ST13: variants seen among roughly 807,000 people sequenced by gnomAD.
ST13 encodes hsc70-interacting protein.
Under a neutral mutation model 56.7 loss-of-function variants are expected in ST13, and 23 were observed. That is an observed-to-expected ratio of 0.41 (90% CI 0.29 to 0.57). The LOEUF is 0.57. Ranked by LOEUF, ST13 falls within the 20% of genes least tolerant of loss-of-function variation. ST13 has a pLI of 0.36. For missense variants in ST13, 369 were observed against 459.9 expected (o/e 0.80, Z 1.81); for synonymous variants, 132 against 142.4 (o/e 0.93, Z 0.52).
intron 1 of ST13, among the ~76,000 whole-genome samples, chr22:40,854,086 T>C (rs927164111): frequency 6.6e-6 from 1 of 152,220 alleles, no homozygotes; most frequent in East Asian, 1.9e-4. Flanking sequence ...TTATAGCAAA[T>C]AGGCAGATGT....
chr22:40,832,646 C>G lies in ST13; in HGVS notation c.604G>C (p.Ala202Pro). ...HRLLGHWEEA[A>P]HDLALACKLD... is the part of the protein sequence containing the mutation. Reference sequence around the variant, plus strand: ...TTACAGGCAAGGGCAAGATCATGGGCTGCTTCTTCCCAGTGGCCTAGAAGT... The same window carrying G: ...TTACAGGCAAGGGCAAGATCATGGGGTGCTTCTTCCCAGTGGCCTAGAAGT... Residue 202 changes from alanine (A) to proline (P), a missense_variant, in exon 8 of 12, where the codon GCC (alanine) becomes CCC (proline). Physicochemically the swap from Ala to Pro is conservative, Grantham distance 27 (BLOSUM62 -1). Around this residue, in one of 3 missense-constraint regions of ST13, gnomAD observed 64 missense variants for 125.1 expected, o/e 0.51. Transcript: ENST00000216218. 6.2e-7 allele frequency: 1 copy of G among 1,601,390 alleles called. No individual in the cohort carries two copies. The highest frequency in any genetic ancestry group is 2.2e-5 in the East Asian group (1 of 44,870).
At chr22:40,836,065 G>GT (rs2057775826) in intron 5 of ST13, 178 bp from the exon 6 acceptor site, 1 of 534,034 alleles carries the variant, frequency 1.9e-6, no homozygotes, top group Non-Finnish European at 3.3e-6. Context: ...CACCTATACT[G>GT]TAACTCACGA....
rs1361769987 is a variant in ST13 at position 40,856,419 on chromosome 22, C to A, written c.110+12G>T. The A allele has an allele frequency of 6.2e-7, 1 of 1,607,548 alleles. No individual in the cohort carries two copies. The highest frequency in any genetic ancestry group is 1.1e-5 in the South Asian group (1 of 90,940). The stretch of plus-strand genomic sequence containing the variant: ...TCCCCCGCCCCCAACGGTCCTCAGG[C>A]CTGGGTCTCACCTCTCCACCCACTC... On this transcript the variant is annotated intron_variant, in intron 1 of 11. Coordinates refer to ENST00000216218, the MANE Select transcript of ST13 (RefSeq NM_003932.5).
At chr22:40,850,732 A>G (rs2057857043) in intron 2 of ST13, 91 bp downstream of exon 2, 1 of 904,812 alleles carries the variant, frequency 1.1e-6, no homozygotes, top group Non-Finnish European at 1.8e-6. Flanking sequence ...GGAAATCAGG[A>G]GTGATAACTG....
chr22:40,856,535 G>A lies in ST13; in HGVS notation c.6C>T (p.Asp2=), dbSNP rs780485183. 20 of 1,612,074 alleles carry A rather than the reference G, an allele frequency of 1.2e-5. No homozygotes were observed. The highest frequency in any genetic ancestry group is 2.2e-5 in the East Asian group (1 of 44,876). The part of the protein sequence containing the change: M[D]PRKVNELRAF... ...CCCGAAGCTCGTTCACTTTGCGGGGGTCCATGGTAGGGAGGTGGTGGGCGA... is the reference window on the plus strand; with the variant it reads ...CCCGAAGCTCGTTCACTTTGCGGGGATCCATGGTAGGGAGGTGGTGGGCGA... The change falls in exon 1 of 12, where the codon GAC becomes GAT. Residue 2 remains aspartate, a synonymous_variant. Coordinates refer to ENST00000216218, the MANE Select transcript of ST13 (RefSeq NM_003932.5).
intron 7 of ST13, 149 bp downstream of exon 7, chr22:40,835,411 T>TA: frequency 1.6e-6 from 1 of 625,724 alleles, no homozygotes; most frequent in Non-Finnish European, 2.9e-6. Context: ...AGCAGCTGTC[T>TA]ACAAGCTATC....
intron 7 of ST13, 121 bp downstream of exon 7, chr22:40,835,439 G>T: frequency 1.3e-6 from 1 of 790,004 alleles, no homozygotes; most frequent in Non-Finnish European, 2.1e-6. Flanking sequence ...TTGATACTAA[G>T]TACACACTAA....
chr22:40,845,275 T>G (rs2057825340), intron 3 of ST13, among the ~76,000 whole-genome samples: 1 of 152,236 alleles, frequency 6.6e-6, no homozygotes, highest in African/African-American at 2.4e-5. Flanking sequence ...TTCAAAAATA[T>G]GCAGGTAAGC....
chr22:40,831,737 G>C (rs2057754847), intron 8 of ST13, among the ~76,000 whole-genome samples: 1 of 151,898 alleles, frequency 6.6e-6, no homozygotes, highest in Non-Finnish European at 1.5e-5. Flanking sequence ...ACAAAATGAA[G>C]GATTTACCAT....
chr22:40,851,445 T>A (rs1312400581), intron 1 of ST13, among the ~76,000 whole-genome samples: 4 of 152,156 alleles, frequency 2.6e-5, no homozygotes, highest in Admixed American at 2.0e-4. Context: ...CATTAATACT[T>A]CCTCCTGACC....
At chr22:40,840,246 C>T (rs2057796755) in intron 5 of ST13, among the ~76,000 whole-genome samples, 1 of 152,126 alleles carries the variant, frequency 6.6e-6, no homozygotes, top group Non-Finnish European at 1.5e-5. Context: ...CTAACATGCT[C>T]TGACTAGGAC....
intron 3 of ST13, among the ~76,000 whole-genome samples, chr22:40,847,899 T>C (rs1044288906): frequency 3.9e-5 from 6 of 151,930 alleles, no homozygotes; most frequent in African/African-American, 7.3e-5. Context: ...TTATAAAAAT[T>C]AGCCGAGTGT....
chr22:40,855,959 A>G (rs1019381816), intron 1 of ST13, among the ~76,000 whole-genome samples: 5 of 152,214 alleles, frequency 3.3e-5, no homozygotes, highest in African/African-American at 9.7e-5. Context: ...TCATTTTTAC[A>G]GTTATCATTT....
intron 4 of ST13, among the ~76,000 whole-genome samples, chr22:40,841,180 C>T (rs1157678757): frequency 5.5e-5 from 8 of 145,496 alleles, no homozygotes; most frequent in Admixed American, 2.8e-4. Flanking sequence ...CAACAGAGGG[C>T]GATCCCATCT....
chr22:40,838,114 C>A (rs963185511), intron 5 of ST13, among the ~76,000 whole-genome samples: 1 of 152,154 alleles, frequency 6.6e-6, no homozygotes, highest in Non-Finnish European at 1.5e-5. Flanking sequence ...GCAGACCATA[C>A]AATCTGTCAT....
intron 7 of ST13, among the ~76,000 whole-genome samples, chr22:40,835,235 G>A (rs931109400): frequency 2.6e-5 from 4 of 151,976 alleles, no homozygotes; most frequent in Admixed American, 6.6e-5. Flanking sequence ...TCTTTTCCTG[G>A]AATTAATTTT....
At chr22:40,843,788 A>G (rs987902322) in intron 4 of ST13, among the ~76,000 whole-genome samples, 1 of 152,258 alleles carries the variant, frequency 6.6e-6, no homozygotes, top group Non-Finnish European at 1.5e-5. Flanking sequence ...AGATCCAGCA[A>G]AAAGTGGAAA....
intron 1 of ST13, among the ~76,000 whole-genome samples, chr22:40,854,936 A>G (rs1233594424): frequency 6.6e-6 from 1 of 152,196 alleles, no homozygotes. Flanking sequence ...AATATTCATA[A>G]AGTTACTATT....
intron 1 of ST13, among the ~76,000 whole-genome samples, chr22:40,851,884 T>A (rs759665797): frequency 6.6e-6 from 1 of 152,058 alleles, no homozygotes; most frequent in Non-Finnish European, 1.5e-5. Context: ...TAGCTGGGAC[T>A]ACAGGGTGCA....
Sources: gnomAD v4.1 joint callset for allele counts (sites outside exome capture counted in the v4.1 genomes callset) on GRCh38, gnomAD v4.1.1 for gene constraint, gnomAD v4.1.1 regional missense constraint, MANE v1.5 for transcripts, NCBI Gene and HGNC (gene_info 2026-07-23, HGNC 2026-07-21) for gene names.